The following RPS6KC1 variants were observed in gnomAD, a reference collection of about 807,000 sequenced individuals.
The protein encoded by RPS6KC1 is ribosomal protein S6 kinase C1.
RPS6KC1 carries 54 observed loss-of-function variants against 103.8 expected under a neutral mutation model. The observed-to-expected ratio is 0.52, with a 90% CI of 0.42 to 0.65. The LOEUF (loss-of-function observed/expected upper bound fraction) is 0.65. Ranked by LOEUF, RPS6KC1 falls within the 30% of genes least tolerant of loss-of-function variation. The pLI is 0.00. For synonymous variants in RPS6KC1, 439 were observed against 438.7 expected (o/e 1.00, Z -0.01); for missense variants, 1,151 against 1,253.8 (o/e 0.92, Z 1.24).
chr1:213,661,155 G>C, the RPS6KC1 span, among the ~76,000 whole-genome samples: 1 of 152,192 alleles, frequency 6.6e-6, no homozygotes, highest in East Asian at 1.9e-4. Context: ...TTCTACCCTA[G>C]CAAATGGGGA....
At chr1:213,825,987 C>T in the RPS6KC1 span, among the ~76,000 whole-genome samples, 1 of 152,088 alleles carries the variant, frequency 6.6e-6, no homozygotes, top group South Asian at 2.1e-4. Flanking sequence ...TTCATTATTA[C>T]CCAGATATAT....
chr1:213,774,901 G>A, the RPS6KC1 span, among the ~76,000 whole-genome samples: 10 of 152,234 alleles, frequency 6.6e-5, no homozygotes, highest in African/African-American at 2.4e-4. Flanking sequence ...TGTGGGAGAT[G>A]CCGTGGCAAC....
chr1:213,807,110 C>G, the RPS6KC1 span, among the ~76,000 whole-genome samples: 1 of 150,476 alleles, frequency 6.6e-6, no homozygotes, highest in East Asian at 1.9e-4. Flanking sequence ...TATTGGCCCC[C>G]ACTCTCTTCT....
the RPS6KC1 span, among the ~76,000 whole-genome samples, chr1:213,655,744 A>T: frequency 1.3e-5 from 2 of 152,116 alleles, no homozygotes; most frequent in South Asian, 2.1e-4. Flanking sequence ...TCAAAATAAA[A>T]ATATATATAT....
At chr1:213,545,437 GAGA>G in the RPS6KC1 span, among the ~76,000 whole-genome samples, 6 of 61,860 alleles carry the variant, frequency 9.7e-5, 1 homozygote, top group Admixed American at 1.6e-3. Context: ...AAATAAAAGA[GAGA>G]GAGAGAGAGA....
At chr1:213,526,329 G>A in the RPS6KC1 span, among the ~76,000 whole-genome samples, 42 of 152,238 alleles carry the variant, frequency 2.8e-4, no homozygotes, top group Admixed American at 7.8e-4. Context: ...GAGAGAGAGC[G>A]TACTGGATGA....
the RPS6KC1 span, among the ~76,000 whole-genome samples, chr1:213,289,806 G>A: frequency 2.0e-5 from 3 of 152,214 alleles, no homozygotes; most frequent in South Asian, 4.2e-4. Context: ...TTGGGAGGGC[G>A]AGGCGGGTGG....
the RPS6KC1 span, among the ~76,000 whole-genome samples, chr1:213,750,129 T>G: frequency 1.3e-5 from 2 of 152,248 alleles, no homozygotes; most frequent in African/African-American, 4.8e-5. Context: ...TTTGGTTTAC[T>G]TTGTTCGGGG....
chr1:213,517,185 G>T, the RPS6KC1 span, among the ~76,000 whole-genome samples: 1 of 89,506 alleles, frequency 1.1e-5, no homozygotes, highest in Non-Finnish European at 2.7e-5. Flanking sequence ...CCAGCTCCTG[G>T]ATTCATTGAT....
intron 1 of RPS6KC1, among the ~76,000 whole-genome samples, chr1:213,061,651 G>A (rs1430441061): frequency 1.3e-5 from 2 of 151,194 alleles, no homozygotes; most frequent in Non-Finnish European, 2.9e-5. Flanking sequence ...TAACATGAAA[G>A]TATGGATTTT....
chr1:213,789,925 A>G, the RPS6KC1 span, among the ~76,000 whole-genome samples: 1 of 147,722 alleles, frequency 6.8e-6, no homozygotes, highest in South Asian at 2.2e-4. Flanking sequence ...GCCAGGAAAA[A>G]ATGATTTTCT....
the RPS6KC1 span, among the ~76,000 whole-genome samples, chr1:213,777,874 C>T: frequency 6.6e-6 from 1 of 152,100 alleles, no homozygotes; most frequent in Non-Finnish European, 1.5e-5. Context: ...TGGTATGTGC[C>T]AGGGACTTTC....
At chr1:213,807,144 G>C in the RPS6KC1 span, among the ~76,000 whole-genome samples, 1 of 152,252 alleles carries the variant, frequency 6.6e-6, no homozygotes, top group African/African-American at 2.4e-5. Flanking sequence ...TCTGCCGAGA[G>C]ATCTGCTGTT....
chr1:213,531,258 A>G, the RPS6KC1 span, among the ~76,000 whole-genome samples: 11 of 151,954 alleles, frequency 7.2e-5, no homozygotes, highest in East Asian at 9.8e-4. Flanking sequence ...TTCTTCTGCT[A>G]TTTAGTCCCA....
At chr1:213,779,579 G>A in the RPS6KC1 span, among the ~76,000 whole-genome samples, 1 of 152,156 alleles carries the variant, frequency 6.6e-6, no homozygotes, top group African/African-American at 2.4e-5. Context: ...TTGATGGATG[G>A]TTGAAAATGA....
the RPS6KC1 span, among the ~76,000 whole-genome samples, chr1:213,855,223 CAA>C: frequency 6.6e-6 from 1 of 152,188 alleles, no homozygotes; most frequent in African/African-American, 2.4e-5. Context: ...TCCCAGAAAA[CAA>C]AGTCAAATGG....
In RPS6KC1 at chr1:213,176,499, C is replaced by T; in HGVS notation, c.1044+7C>T. The T allele has an allele frequency of 1.3e-6, 2 of 1,565,326 alleles. No homozygotes were observed. Among genetic ancestry groups the T allele is most frequent in the Non-Finnish European group, 1.8e-6 (2 of 1,140,002 alleles). The stretch of plus-strand genomic sequence containing the variant: ...CCTTGGGGTGATTGACAAGGTAATT[C>T]TTCAGTGTCTCTTCAAGAGTTCAGT... On this transcript the variant is annotated splice_region_variant and intron_variant, in intron 8 of 14. Transcript: ENST00000366960.
chr1:213,739,256 C>G, the RPS6KC1 span, among the ~76,000 whole-genome samples: 2 of 152,022 alleles, frequency 1.3e-5, no homozygotes, highest in African/African-American at 4.8e-5. Flanking sequence ...TTTAAAATAA[C>G]ATTTTGTTTT....
chr1:213,741,300 GTAT>G, the RPS6KC1 span, among the ~76,000 whole-genome samples: 11 of 152,066 alleles, frequency 7.2e-5, no homozygotes, highest in Non-Finnish European at 1.2e-4. Context: ...CATATACAAT[GTAT>G]TATTATAATT....
Sources: allele counts gnomAD v4.1 joint callset (sites outside exome capture counted in the v4.1 genomes callset), GRCh38; gene constraint gnomAD v4.1.1; transcripts MANE v1.5; gene names NCBI Gene and HGNC (gene_info 2026-07-23, HGNC 2026-07-21).